Variants in RP9 observed in about 807,000 individuals in gnomAD.
RP9 encodes RP9 pre-mRNA splicing factor.
A neutral mutation model predicts 32.6 loss-of-function variants in RP9; 23 were observed. That is an observed-to-expected ratio of 0.71 (90% CI 0.51 to 1.00). The LOEUF is 1.00. Among genes scored for constraint, RP9 ranks in the 50% least tolerant of loss-of-function variants. The probability of loss-of-function intolerance (pLI) is 0.00; values close to 1 mark genes in which losing one functional copy is unlikely to be tolerated. For missense variants in RP9, 245 were observed against 285.3 expected (o/e 0.86, Z 1.02); for synonymous variants, 94 against 103.6 (o/e 0.91, Z 0.56).
chr7:33,094,928 T>C lies in RP9; in HGVS notation c.*306A>G. On this transcript the variant is annotated 3_prime_UTR_variant, in exon 6 of 6. Coordinates refer to ENST00000297157, the MANE Select transcript of RP9 (RefSeq NM_203288.2). ...GGGCCTGGAAGACACGCCTCAGAGA[T>C]TCTCCCAGTCCTGCCACCCTGTGGG... 1 of 446,150 alleles carries C rather than the reference T, an allele frequency of 2.2e-6. No homozygotes were observed. The highest frequency in any genetic ancestry group is 4.1e-6 in the Non-Finnish European group (1 of 245,528). 27.6% of individuals were successfully genotyped at this position (446,150 alleles called of 1,614,324 possible).
chr7:33,101,191 TA>T (rs748263700), intron 1 of RP9, among the ~76,000 whole-genome samples: 2 of 152,162 alleles, frequency 1.3e-5, no homozygotes, highest in East Asian at 1.9e-4. Context: ...GAGAAACACT[TA>T]ATGATTTAAT....
At position 33,095,251 on chromosome 7, in the gene RP9, C is replaced by G. The variant is rs777318099; in HGVS notation, c.649G>C (p.Gly217Arg). ...RKHKSSKSNE[G>R]SDSE The stretch of plus-strand genomic sequence containing the variant: ...CATCCTTGTCACTCTGAGTCAGAAC[C>G]CTCATTTGACTTGGAAGATTTGTGC... Residue 217 changes from glycine (G) to arginine (R), a missense_variant, in exon 6 of 6, where the codon GGT (glycine) becomes CGT (arginine). This residue lies in a region of RP9 where 63 missense variants were observed against 109.8 expected (regional missense o/e 0.57). Transcript: ENST00000297157. 4 of 1,611,662 alleles carry G rather than the reference C, an allele frequency of 2.5e-6. No homozygotes were observed. The highest frequency in any genetic ancestry group is 1.7e-5 in the Admixed American group (1 of 60,000).
Position 33,099,396 on chromosome 7 carries a change from G to A in RP9, c.224C>T (p.Pro75Leu). ...TKPEDCIPDV[P>L]GNEHAREFLA... Reference sequence around the variant, plus strand: ...AAATTCCCTGGCGTGTTCATTGCCTGGTACATCTGGTATGCAATCTTCTGG... The same window carrying A: ...AAATTCCCTGGCGTGTTCATTGCCTAGTACATCTGGTATGCAATCTTCTGG... Residue 75 changes from proline (P) to leucine (L), a missense_variant, in exon 3 of 6, where the codon CCA becomes CTA. Pro to Leu is a moderately conservative substitution (Grantham distance 98, BLOSUM62 -3). Transcript: ENST00000297157. 1 of 1,613,254 alleles carries A rather than the reference G, an allele frequency of 6.2e-7. No individual in the cohort carries two copies. Among genetic ancestry groups the A allele is most frequent in the Non-Finnish European group, 8.5e-7 (1 of 1,179,858 alleles).
At chr7:33,098,641 G>A (rs1051664587) in intron 3 of RP9, among the ~76,000 whole-genome samples, 3 of 152,120 alleles carry the variant, frequency 2.0e-5, no homozygotes, top group African/African-American at 4.8e-5. Flanking sequence ...AAGAAAAACC[G>A]ATAGATACTG....
chr7:33,109,346 G>A lies in RP9; in HGVS notation c.27C>T (p.Asp9=), dbSNP rs1301103126. Residue 9 remains aspartate, a synonymous_variant, in exon 1 of 6, where the codon GAC becomes GAT. Transcript: ENST00000297157. The surrounding 1 kb of genome is among the most constrained non-coding windows in gnomAD (Gnocchi z 4.9). ...GCCGCCGCGCGCCCGCAGCCCCCAC[G>A]TCCTCGCGCCCAGGCCGGGACGACA... MSSRPGRE[D]VGAAGARRPR... 7 of 1,443,466 alleles carry A rather than the reference G, an allele frequency of 4.8e-6. No individual in the cohort carries two copies. In the South Asian group the frequency reaches 5.3e-5, roughly 11 times the overall value. The allele number at this position is 1,443,466 out of a possible 1,614,324, so 89.4% of individuals were successfully genotyped here.
intron 1 of RP9, among the ~76,000 whole-genome samples, chr7:33,103,282 G>A (rs1788454274): frequency 6.6e-6 from 1 of 152,118 alleles, no homozygotes; most frequent in Non-Finnish European, 1.5e-5. Flanking sequence ...CAGCAACACT[G>A]GCAGCCAGGC....
At chr7:33,103,686 G>T (rs1788459227) in intron 1 of RP9, among the ~76,000 whole-genome samples, 1 of 152,110 alleles carries the variant, frequency 6.6e-6, no homozygotes, top group African/African-American at 2.4e-5. Context: ...AGGTGTCATG[G>T]TGTGCACCTG....
At chr7:33,099,903 A>G (rs1788400682) in intron 2 of RP9, among the ~76,000 whole-genome samples, 1 of 152,198 alleles carries the variant, frequency 6.6e-6, no homozygotes, top group Non-Finnish European at 1.5e-5. Context: ...TTACCACTCA[A>G]TAACTGCATT....
chr7:33,099,078 G>A, intron 3 of RP9: 1 of 596,274 alleles, frequency 1.7e-6, no homozygotes, highest in Non-Finnish European at 3.0e-6. Context: ...TCCCAGCAAG[G>A]TGGGTTTGTG....
At chr7:33,104,077 G>C (rs867823617) in intron 1 of RP9, among the ~76,000 whole-genome samples, 4 of 151,822 alleles carry the variant, frequency 2.6e-5, no homozygotes, top group Non-Finnish European at 5.9e-5. Flanking sequence ...TTTTGATTTA[G>C]AAATATAACA....
intron 1 of RP9, among the ~76,000 whole-genome samples, chr7:33,108,745 CTT>C (rs1233664797): frequency 1.3e-5 from 2 of 152,232 alleles, no homozygotes; most frequent in Non-Finnish European, 2.9e-5. Context: ...CCTGGCCCTT[CTT>C]TGTCTCCCAC....
At chr7:33,106,065 A>G (rs1788493778) in intron 1 of RP9, among the ~76,000 whole-genome samples, 1 of 152,232 alleles carries the variant, frequency 6.6e-6, no homozygotes, top group Non-Finnish European at 1.5e-5. Context: ...AAAGGCTCTT[A>G]TTAACTACTT....
intron 1 of RP9, among the ~76,000 whole-genome samples, chr7:33,105,637 C>G (rs911671628): frequency 6.6e-6 from 1 of 152,158 alleles, no homozygotes; most frequent in African/African-American, 2.4e-5. Context: ...TTTGATAGAT[C>G]AGGACCCCTC....
chr7:33,101,229 A>G (rs542094860), intron 1 of RP9, among the ~76,000 whole-genome samples: 2 of 152,304 alleles, frequency 1.3e-5, no homozygotes, highest in East Asian at 3.9e-4. Flanking sequence ...CTCTCGTCTT[A>G]TGCATAGTTT....
In RP9 at chr7:33,095,382, C is replaced by T; in HGVS notation, c.518G>A (p.Arg173Lys). 6.2e-7 allele frequency: 1 copy of T among 1,613,844 alleles called. No individual in the cohort carries two copies. Among genetic ancestry groups the T allele is most frequent in the Non-Finnish European group, 8.5e-7 (1 of 1,179,866 alleles). Residue 173 changes from arginine to lysine, a missense_variant, in exon 6 of 6, where the codon AGG becomes AAG. Coordinates refer to ENST00000297157, the MANE Select transcript of RP9 (RefSeq NM_203288.2). ...ACCTTCAGAGGAACTGGAGCTGCTC[C>T]TATCTTCATCTGAGGTAGAATCCTC... is the stretch of plus-strand genomic sequence containing the variant. ...LLEDSTSDED[R>K]SSSSSSEGKE...
At chr7:33,098,593 G>A (rs960883594) in intron 3 of RP9, among the ~76,000 whole-genome samples, 3 of 152,098 alleles carry the variant, frequency 2.0e-5, no homozygotes, top group African/African-American at 7.2e-5. Context: ...TTCCCTCCAC[G>A]TGGGAGCCTT....
chr7:33,102,553 T>C (rs1471399832), intron 1 of RP9, among the ~76,000 whole-genome samples: 1 of 152,238 alleles, frequency 6.6e-6, no homozygotes, highest in African/African-American at 2.4e-5. Flanking sequence ...TACTTAGTCA[T>C]TCAGACTGTA....
At chr7:33,098,328 A>G (rs1414981798) in intron 3 of RP9, among the ~76,000 whole-genome samples, 1 of 152,178 alleles carries the variant, frequency 6.6e-6, no homozygotes, top group Non-Finnish European at 1.5e-5. Flanking sequence ...AGGCTGCAGT[A>G]AGTTGTGATC....
rs925566360 is a variant in RP9 at position 33,099,319 on chromosome 7, T to C, written c.301A>G (p.Lys101Glu). 6.2e-7 allele frequency: 1 copy of C among 1,613,386 alleles called. No homozygotes were observed. Among genetic ancestry groups the C allele is most frequent in the South Asian group, 1.1e-5 (1 of 91,050 alleles). Reference sequence around the variant, plus strand: ...CTCCCACACTCACACTGCATAACTTTGACTTCTTTCCCCAGTGGCATCCAA... The same window carrying C: ...CTCCCACACTCACACTGCATAACTTCGACTTCTTTCCCCAGTGGCATCCAA... ...GLWMPLGKEVKVMQCWRCKRY... is the reference protein window; with the variant it reads ...GLWMPLGKEVEVMQCWRCKRY... Residue 101 changes from lysine to glutamate, a missense_variant, in exon 3 of 6, where the codon AAA (lysine) becomes GAA (glutamate). Physicochemically the swap from Lys to Glu is moderately conservative, Grantham distance 56 (BLOSUM62 1). Coordinates refer to ENST00000297157, the MANE Select transcript of RP9 (RefSeq NM_203288.2).
Sources: allele counts gnomAD v4.1 joint callset (sites outside exome capture counted in the v4.1 genomes callset), GRCh38; gene constraint gnomAD v4.1.1; regional missense constraint gnomAD v4.1.1; non-coding constraint Gnocchi (gnomAD v3.1); transcripts MANE v1.5; gene names NCBI Gene and HGNC (gene_info 2026-07-23, HGNC 2026-07-21).